FBXL18: variants seen among roughly 807,000 people sequenced by gnomAD.
FBXL18 encodes the protein F-box/LRR-repeat protein 18.
Under a neutral mutation model 46.0 loss-of-function variants are expected in FBXL18, and 36 were observed. The ratio of observed to expected loss-of-function variants is 0.78; its 90% CI spans 0.60 to 1.03. The LOEUF is 1.03. Ranked by LOEUF, FBXL18 falls within the 50% of genes least tolerant of loss-of-function variation. The pLI is 0.00. For synonymous variants in FBXL18, 557 were observed against 465.3 expected (o/e 1.20, Z -2.54); for missense variants, 977 against 1,004.1 (o/e 0.97, Z 0.36).
rs1311482222 is a variant in FBXL18 at position 5,476,944 on chromosome 7, G to A, written c.*4831C>T. 1 of 150,408 alleles carries A rather than the reference G, an allele frequency of 6.6e-6. No individual in the cohort carries two copies. 9.3% of individuals were successfully genotyped at this position (150,408 alleles called of 1,614,324 possible). On this transcript the variant is annotated 3_prime_UTR_variant, in exon 5 of 5. Coordinates refer to ENST00000382368, the MANE Select transcript of FBXL18 (RefSeq NM_024963.6). Reference sequence around the variant, plus strand: ...ACTCTGTCGCCCAGGCTGGAATGCAGTGGTGCGATCTCAGCTCACTGCAAG... The same window carrying A: ...ACTCTGTCGCCCAGGCTGGAATGCAATGGTGCGATCTCAGCTCACTGCAAG...
intron 1 of FBXL18, among the ~76,000 whole-genome samples, chr7:5,509,123 G>A (rs1413911095): frequency 6.6e-6 from 1 of 151,302 alleles, no homozygotes; most frequent in Non-Finnish European, 1.5e-5. Context: ...AACCCGGGAG[G>A]TGAAGGTTGC....
Position 5,465,870 on chromosome 7 carries a change from T to C in FBXL18, c.2001-18027A>G, listed in dbSNP as rs111494702. Among the ~76,000 whole-genome samples, 31 of 149,982 alleles carry C rather than the reference T, an allele frequency of 2.1e-4. 1 individual carries two copies. The highest frequency in any genetic ancestry group is 7.4e-4 in the African/African-American group (30 of 40,716). On this transcript the variant is annotated intron_variant and NMD_transcript_variant, in intron 4 of 6. Coordinates refer to the FBXL18 transcript ENST00000415009. ...TCTTAGTCTGTCGCCCAGTCTGGAG[T>C]GCAGGGGCACAATCTCAGCTCACTG... is the stretch of plus-strand genomic sequence containing the variant.
intron 1 of FBXL18, among the ~76,000 whole-genome samples, chr7:5,506,868 C>T (rs1784407539): frequency 6.6e-6 from 1 of 152,230 alleles, no homozygotes; most frequent in South Asian, 2.1e-4. Flanking sequence ...TTTTCCATTG[C>T]TGTAGTTCAT....
At chr7:5,507,263 C>T (rs749560118) in intron 1 of FBXL18, among the ~76,000 whole-genome samples, 31 of 152,130 alleles carry the variant, frequency 2.0e-4, no homozygotes, top group Non-Finnish European at 4.0e-4. Flanking sequence ...TATCTGCACA[C>T]CCCACACGGG....
intron 3 of FBXL18, among the ~76,000 whole-genome samples, chr7:5,499,086 C>G (rs1231812047): frequency 6.6e-6 from 1 of 152,106 alleles, no homozygotes; most frequent in Non-Finnish European, 1.5e-5. Context: ...GCCTGTTGTT[C>G]CACCTCCTCC....
At chr7:5,484,201 C>T (rs978854009) in intron 4 of FBXL18, among the ~76,000 whole-genome samples, 1 of 152,116 alleles carries the variant, frequency 6.6e-6, no homozygotes, top group African/African-American at 2.4e-5. Flanking sequence ...GCCGTGGTGG[C>T]TCACGCCTGT....
intron 3 of FBXL18, among the ~76,000 whole-genome samples, chr7:5,499,752 A>G (rs77703673): frequency 6.1e-4 from 91 of 150,410 alleles, no homozygotes; most frequent in African/African-American, 1.9e-3. Flanking sequence ...AAAGAAAAAA[A>G]AAAAAAAAGC....
chr7:5,502,356 G>C (rs1194031180), intron 2 of FBXL18, among the ~76,000 whole-genome samples: 1 of 152,138 alleles, frequency 6.6e-6, no homozygotes, highest in Non-Finnish European at 1.5e-5. Context: ...CCAACATGGT[G>C]AAGCCCGATC....
In FBXL18 at chr7:5,500,682, C is replaced by G. The variant is rs373751511; in HGVS notation, c.1587G>C (p.Gln529His). The change falls in exon 3 of 5, where the codon CAG becomes CAC. Residue 529 changes from glutamine (Q) to histidine (H), a missense_variant. Physicochemically the swap from Gln to His is conservative, Grantham distance 24. Coordinates refer to ENST00000382368, the MANE Select transcript of FBXL18 (RefSeq NM_024963.6). ...VGDSEVAAIG[Q>H]LAFLRHLTLA... The stretch of plus-strand genomic sequence containing the variant: ...GCGTCAGGTGCCGCAGGAAGGCCAG[C>G]TGGCCGATGGCGGCCACCTCCGAGT... 9.9e-6 allele frequency: 16 copies of G among 1,610,718 alleles called. No homozygotes were observed. In the African/African-American group the frequency reaches 1.5e-4, roughly 15 times the overall value.
At position 5,481,676 on chromosome 7, in the gene FBXL18, G is replaced by T; in HGVS notation, c.*99C>A. 2 of 1,336,022 alleles carry T rather than the reference G, an allele frequency of 1.5e-6. No homozygotes were observed. Among genetic ancestry groups the T allele is most frequent in the Non-Finnish European group, 1.0e-6 (1 of 957,924 alleles). 82.8% of individuals were successfully genotyped at this position (1,336,022 alleles called of 1,614,324 possible). A position where few individuals can be genotyped will look rare whatever the true frequency, so the allele number is the denominator to read the frequency against. On this transcript the variant is annotated 3_prime_UTR_variant, in exon 5 of 5. Coordinates refer to ENST00000382368, the MANE Select transcript of FBXL18 (RefSeq NM_024963.6). Reference sequence around the variant, plus strand: ...AGGTGGGGCGTGGCTGGCCGGGAGAGAGGCCCCCTTCCTCTTGTGACAAAC... The same window carrying T: ...AGGTGGGGCGTGGCTGGCCGGGAGATAGGCCCCCTTCCTCTTGTGACAAAC...
intron 4 of FBXL18, chr7:5,489,270 G>GA (rs745387042): frequency 1.9e-6 from 1 of 518,936 alleles, no homozygotes; most frequent in South Asian, 1.4e-5. Context: ...AACAATATGA[G>GA]AACCCTATCT....
chr7:5,464,203 G>A (rs1490383504), intron 4 of FBXL18, among the ~76,000 whole-genome samples: 7 of 152,088 alleles, frequency 4.6e-5, no homozygotes, highest in Non-Finnish European at 1.0e-4. Flanking sequence ...TATTAACTGG[G>A]CATGGTGGCT....
chr7:5,482,050 C>T, intron 4 of FBXL18, 119 bp from the exon 5 acceptor site: 1 of 1,187,788 alleles, frequency 8.4e-7, no homozygotes, highest in South Asian at 1.5e-5. Flanking sequence ...ACCTGGGGCT[C>T]CCAGACAGAC....
chr7:5,471,559 C>T (rs541232395), downstream of FBXL18, among the ~76,000 whole-genome samples: 389 of 151,746 alleles, frequency 2.6e-3, 2 homozygotes, highest in Admixed American at 4.5e-3. Context: ...TACAGGAGCC[C>T]GCCATCACGC....
At chr7:5,467,427 T>A (rs1783359476) in intron 4 of FBXL18, among the ~76,000 whole-genome samples, 1 of 151,216 alleles carries the variant, frequency 6.6e-6, no homozygotes, top group Non-Finnish European at 1.5e-5. Flanking sequence ...GCACCTATAA[T>A]CCCAGTGACT....
intron 3 of FBXL18, among the ~76,000 whole-genome samples, chr7:5,500,140 T>C (rs1281574343): frequency 6.7e-6 from 1 of 149,712 alleles, no homozygotes; most frequent in Non-Finnish European, 1.5e-5. Context: ...CAGAAAGGCC[T>C]GGGTTCGAAT....
At chr7:5,467,360 T>G (rs985857656) in intron 4 of FBXL18, among the ~76,000 whole-genome samples, 6 of 147,978 alleles carry the variant, frequency 4.1e-5, no homozygotes, top group Non-Finnish European at 8.9e-5. Context: ...TAAAAAATAA[T>G]AATAATAAAT....
intron 2 of FBXL18, among the ~76,000 whole-genome samples, chr7:5,502,743 G>C (rs1444832794): frequency 6.6e-6 from 1 of 151,574 alleles, no homozygotes; most frequent in African/African-American, 2.4e-5. Flanking sequence ...CAGGAGAATC[G>C]CTTGAACCTG....
intron 3 of FBXL18, 38 bp from the exon 4 acceptor site, chr7:5,491,487 G>A: frequency 6.6e-7 from 1 of 1,505,694 alleles, no homozygotes. Context: ...TCCGAGGGAG[G>A]GGCTCGCAGG....
Sources: gnomAD v4.1 joint callset for allele counts (sites outside exome capture counted in the v4.1 genomes callset) on GRCh38, gnomAD v4.1.1 for gene constraint, MANE v1.5 for transcripts, NCBI Gene and HGNC (gene_info 2026-07-23, HGNC 2026-07-21) for gene names.